Variants in NAV1 observed in about 807,000 individuals in gnomAD.
NAV1 encodes the protein pore membrane and/or filament interacting like protein 3.
Under a neutral mutation model 175.2 loss-of-function variants are expected in NAV1, and 18 were observed. That is an observed-to-expected ratio of 0.10 (90% confidence interval 0.07 to 0.15). The LOEUF (loss-of-function observed/expected upper bound fraction) is 0.15. Among genes scored for constraint, NAV1 ranks in the 10% least tolerant of loss-of-function variants. The probability of loss-of-function intolerance (pLI) is 1.00; values close to 1 mark genes in which losing one functional copy is unlikely to be tolerated. For missense variants in NAV1, 1,731 were observed against 2,436.6 expected, an observed-to-expected ratio of 0.71 and a Z score of 6.10; for synonymous variants, 897 against 978.7, an observed-to-expected ratio of 0.92 and a Z score of 1.56.
At chr1:201,645,727 C>T (rs1364355863), upstream of NAV1, among the ~76,000 whole-genome samples, 1 of 152,078 alleles carries the variant, frequency 6.6e-6, no homozygotes, top group Non-Finnish European at 1.5e-5. Context: ...AGGATGGTAG[C>T]CAGTGAATTT....
intron 1 of NAV1, among the ~76,000 whole-genome samples, chr1:201,675,552 A>G (rs1414899130): frequency 6.6e-6 from 1 of 152,228 alleles, no homozygotes; most frequent in East Asian, 1.9e-4. Context: ...ACTTACAACA[A>G]AAAATGAACC....
At position 201,629,513 on chromosome 1, in the gene NAV1, T is replaced by C. The variant is rs1198222480; in HGVS notation, c.4+6T>C. ...GGAGAGCTTCTCCTGCATGGGTAAG[T>C]GATCTGGGGGAGACTTCCTCCTAGG... is the stretch of plus-strand genomic sequence containing the variant. On this transcript the variant is annotated splice_donor_region_variant and intron_variant, in intron 2 of 29. Coordinates refer to the NAV1 transcript ENST00000367302. The C allele has an allele frequency of 2.3e-6, 3 of 1,302,238 alleles. No individual in the cohort carries two copies. The highest frequency in any genetic ancestry group is 1.5e-5 in the African/African-American group (1 of 65,768). 80.7% of individuals were successfully genotyped at this position (1,302,238 alleles called of 1,614,324 possible). A position where few individuals can be genotyped will look rare whatever the true frequency, so the allele number is the denominator to read the frequency against.
At chr1:201,628,772 AG>A (rs1311798397) in intron 1 of NAV1, among the ~76,000 whole-genome samples, 2 of 152,154 alleles carry the variant, frequency 1.3e-5, no homozygotes, top group Non-Finnish European at 2.9e-5. Flanking sequence ...TTGTGCTCAG[AG>A]GTCTGTGTGC....
rs776402674 is a variant in NAV1, at chr1:201,783,390, T to G, written c.2358-16T>G. ...TAATTCTATTATTCTAAATATTTCG[T>G]TTGATCTTCTCTCAGGGCCACAGCG... On this transcript the variant is annotated splice_polypyrimidine_tract_variant and intron_variant, in intron 6 of 29. Transcript: ENST00000367296. The G allele has an allele frequency of 3.1e-6, 5 of 1,609,574 alleles. No individual in the cohort carries two copies. The South Asian group carries it at 5.5e-5, about 18-fold the overall frequency.
intron 1 of NAV1, among the ~76,000 whole-genome samples, chr1:201,575,978 G>T (rs1666681472): frequency 6.6e-6 from 1 of 152,114 alleles, no homozygotes; most frequent in Admixed American, 6.5e-5. Context: ...GCATGCAATT[G>T]TAAGAAACAC....
chr1:201,629,612 A>T, intron 2 of NAV1, 105 bp downstream of exon 4: 1 of 623,734 alleles, frequency 1.6e-6, no homozygotes, highest in Non-Finnish European at 2.4e-6. Flanking sequence ...CCATCTCTTG[A>T]CAAGGAGACA....
At chr1:201,608,349 C>T (rs1370632930) in intron 2 of NAV1, among the ~76,000 whole-genome samples, 4 of 152,154 alleles carry the variant, frequency 2.6e-5, no homozygotes, top group African/African-American at 4.8e-5. Flanking sequence ...GCACGGCCTG[C>T]GAGTTTCTGA....
chr1:201,584,960 A>C (rs1666981851), intron 1 of NAV1, among the ~76,000 whole-genome samples: 2 of 152,228 alleles, frequency 1.3e-5, no homozygotes, highest in Non-Finnish European at 2.9e-5. Context: ...CACATGAGTG[A>C]AGGATGGGCC....
intron 1 of NAV1, among the ~76,000 whole-genome samples, chr1:201,697,969 A>T (rs1166424475): frequency 4.6e-5 from 7 of 152,184 alleles, no homozygotes. Context: ...AGGCCCAGAC[A>T]TTGAATACCT....
intron 1 of NAV1, among the ~76,000 whole-genome samples, chr1:201,651,721 G>C (rs560659027): frequency 1.3e-5 from 2 of 152,238 alleles, no homozygotes; most frequent in South Asian, 4.2e-4. Context: ...ACCTGCCCAA[G>C]GCTATGTCTA....
chr1:201,820,707 C>T (rs534180162), exon 30 of NAV1: 1 of 152,192 alleles, frequency 6.6e-6, no homozygotes, highest in South Asian at 2.1e-4. Context: ...TGTCTTTCTA[C>T]CCTCTAATTT....
chr1:201,551,474 C>T (rs1413497525), intron 1 of NAV1, among the ~76,000 whole-genome samples: 1 of 152,124 alleles, frequency 6.6e-6, no homozygotes, highest in Non-Finnish European at 1.5e-5. Flanking sequence ...AGTGATCTTC[C>T]CATCTCGGCC....
intron 1 of NAV1, among the ~76,000 whole-genome samples, chr1:201,689,254 T>G (rs993296877): frequency 1.3e-5 from 2 of 152,210 alleles, no homozygotes; most frequent in Non-Finnish European, 2.9e-5. Flanking sequence ...CTGCACAAAT[T>G]ATAGGATACG....
At chr1:201,616,909 T>C (rs1668019268) in intron 2 of NAV1, among the ~76,000 whole-genome samples, 1 of 152,192 alleles carries the variant, frequency 6.6e-6, no homozygotes, top group African/African-American at 2.4e-5. Context: ...GCCATTGCAA[T>C]TGCCACAGCA....
intron 1 of NAV1, among the ~76,000 whole-genome samples, chr1:201,549,106 TCTTTCTTTC>T (rs1296320046): frequency 8.0e-5 from 12 of 149,898 alleles, no homozygotes; most frequent in Middle Eastern, 3.5e-3. Context: ...TTTCTTTCTT[TCTTTCTTTC>T]TTTCTTTCTT....
At chr1:201,561,040 A>G (rs1250617101) in intron 1 of NAV1, among the ~76,000 whole-genome samples, 4 of 152,188 alleles carry the variant, frequency 2.6e-5, no homozygotes, top group Non-Finnish European at 4.4e-5. Flanking sequence ...GCTTGGGACC[A>G]ACCTGGGGTG....
intron 16 of NAV1, among the ~76,000 whole-genome samples, 173 bp downstream of exon 20, chr1:201,803,887 C>T (rs1329912586): frequency 6.6e-6 from 1 of 152,140 alleles, no homozygotes; most frequent in Non-Finnish European, 1.5e-5. Context: ...TTCCCTCAAT[C>T]ATTTCCTACT....
chr1:201,810,184 A>G lies in NAV1; in HGVS notation c.4561+79A>G. The G allele has an allele frequency of 1.3e-6, 2 of 1,543,804 alleles. No individual in the cohort carries two copies. The highest frequency in any genetic ancestry group is 2.7e-5 in the African/African-American group (2 of 73,322). The stretch of plus-strand genomic sequence containing the variant: ...TCATCAAATAATCCATCATGCATTC[A>G]TTCACCAAGAACTCACTGAGAAGGT... On this transcript the variant is annotated intron_variant, in intron 23 of 29. Transcript: ENST00000367296. This position sits in a 1 kb window ranked among gnomAD's most constrained non-coding sequence, Gnocchi z 6.0.
At chr1:201,548,150 A>G (rs879360392) in intron 1 of NAV1, among the ~76,000 whole-genome samples, 8 of 152,240 alleles carry the variant, frequency 5.3e-5, no homozygotes, top group Admixed American at 5.2e-4. Flanking sequence ...CAGAGGAGGA[A>G]AGTGAGGCTC....
Sources: gnomAD v4.1 joint callset for allele counts (sites outside exome capture counted in the v4.1 genomes callset) on GRCh38, gnomAD v4.1.1 for gene constraint, Gnocchi (gnomAD v3.1) non-coding constraint, MANE v1.5 for transcripts, NCBI Gene and HGNC (gene_info 2026-07-23, HGNC 2026-07-21) for gene names.